Variants in CIITA observed in about 807,000 individuals in gnomAD.
CIITA encodes class II major histocompatibility complex transactivator, also known as MHC class II transactivator.
A neutral mutation model predicts 115.1 loss-of-function variants in CIITA; 72 were observed. The observed-to-expected ratio is 0.63, with a 90% CI of 0.52 to 0.76. The LOEUF (loss-of-function observed/expected upper bound fraction) is 0.76. CIITA is among the 30% of genes least tolerant of loss of function. The probability of loss-of-function intolerance (pLI) is 0.00; values close to 1 mark genes in which losing one functional copy is unlikely to be tolerated. For synonymous variants in CIITA, 763 were observed against 635.6 expected (o/e 1.20, Z -3.02); for missense variants, 1,617 against 1,463.8 (o/e 1.10, Z -1.71).
In CIITA at chr16:10,907,091, C is replaced by A; in HGVS notation, c.1599C>A (p.Phe533Leu). The change falls in exon 11 of 20, where the codon TTC becomes TTA. Residue 533 changes from phenylalanine to leucine, a missense_variant. By Grantham distance (22) the Phe-to-Leu change is conservative (BLOSUM62 0). Coordinates refer to ENST00000324288, the MANE Select transcript of CIITA (RefSeq NM_000246.4). The surrounding 1 kb of genome is among the most constrained non-coding windows in gnomAD (Gnocchi z 5.0). The stretch of plus-strand genomic sequence containing the variant: ...TCCGGGGGCTGCTGGCCGGCCTTTT[C>A]CAGAAGAAGCTGCTCCGAGGTTGCA... Reference protein sequence around the residue: ...CSLRGLLAGLFQKKLLRGCTL... With the variant: ...CSLRGLLAGLLQKKLLRGCTL... 6.2e-7 allele frequency: 1 copy of A among 1,608,908 alleles called. No individual in the cohort carries two copies. Among genetic ancestry groups the A allele is most frequent in the Non-Finnish European group, 8.5e-7 (1 of 1,179,780 alleles).
intron 16 of CIITA, 68 bp from the exon 17 acceptor site, chr16:10,922,099 T>C (rs1264987925): frequency 1.2e-5 from 16 of 1,363,264 alleles, no homozygotes; most frequent in Non-Finnish European, 1.4e-5. Flanking sequence ...AATCTAGGGA[T>C]GGTGGCTTCT....
intron 1 of CIITA, among the ~76,000 whole-genome samples, chr16:10,870,485 G>A (rs1009923199): frequency 3.9e-5 from 6 of 152,228 alleles, no homozygotes; most frequent in African/African-American, 1.4e-4. Context: ...GCCTCAGTGG[G>A]AAGTTAAAGC....
Position 10,936,332 on chromosome 16 carries a change from A to T in CIITA, c.*12477A>T, listed in dbSNP as rs1282977433. 3 of 152,196 alleles carry T rather than the reference A, an allele frequency of 2.0e-5. No individual in the cohort carries two copies. The highest frequency in any genetic ancestry group is 7.2e-5 in the African/African-American group (3 of 41,456). 9.4% of individuals were successfully genotyped at this position (152,196 alleles called of 1,614,324 possible). On this transcript the variant is annotated 3_prime_UTR_variant, in exon 20 of 20. Transcript: ENST00000324288. ...TAGATTTGCTGATTTTGACAACCCT[A>T]CTGTGGTTATGCAAATTTGTCCTTG...
chr16:10,935,115 G>A lies in CIITA; in HGVS notation c.*11260G>A, dbSNP rs113033696. ...GTGCTACTATTATCCCTGTTTTACA[G>A]AGAAGGAAACCGAGGCTTAGGAGAT... On this transcript the variant is annotated 3_prime_UTR_variant, in exon 20 of 20. Transcript: ENST00000324288. 1 of 152,262 alleles carries A rather than the reference G, an allele frequency of 6.6e-6. No individual in the cohort carries two copies. Among genetic ancestry groups the A allele is most frequent in the African/African-American group, 2.4e-5 (1 of 41,472 alleles). The allele number at this position is 152,262 out of a possible 1,614,324, so 9.4% of individuals were successfully genotyped here.
chr16:10,910,606 A>T (rs924212245), intron 13 of CIITA, among the ~76,000 whole-genome samples: 21 of 152,172 alleles, frequency 1.4e-4, no homozygotes, highest in Non-Finnish European at 2.2e-4. Flanking sequence ...GGAGGAGGTG[A>T]TATCTGCACT....
intron 8 of CIITA, 75 bp from the exon 9 acceptor site, chr16:10,903,656 G>A (rs750370582): frequency 2.4e-4 from 365 of 1,517,740 alleles, no homozygotes; most frequent in Non-Finnish European, 3.2e-4. Flanking sequence ...GCCCAGTTTG[G>A]AGTAGGGGTG....
chr16:10,904,798 T>C lies in CIITA; in HGVS notation c.992T>C (p.Leu331Pro). The stretch of plus-strand genomic sequence containing the variant: ...GCAGCTGGAGAGGTCTCCAACAAGC[T>C]TCCAAAATGGCCTGGTGAGTGATGC... Reference protein sequence around the residue: ...CPAAGEVSNKLPKWPEPVEQF... With the variant: ...CPAAGEVSNKPPKWPEPVEQF... Residue 331 changes from leucine (L) to proline (P), a missense_variant, in exon 10 of 20, where the codon CTT becomes CCT. Coordinates refer to ENST00000324288, the MANE Select transcript of CIITA (RefSeq NM_000246.4). 1 of 1,614,162 alleles carries C rather than the reference T, an allele frequency of 6.2e-7. No homozygotes were observed. The highest frequency in any genetic ancestry group is 2.2e-5 in the East Asian group (1 of 44,886).
At chr16:10,922,992 C>T in intron 18 of CIITA, 1 of 581,204 alleles carries the variant, frequency 1.7e-6, no homozygotes, top group Non-Finnish European at 3.1e-6. Context: ...AAGCACAGAG[C>T]AGTTAACTAA....
At chr16:10,868,719 G>T (rs2035267294) in intron 1 of CIITA, among the ~76,000 whole-genome samples, 1 of 152,094 alleles carries the variant, frequency 6.6e-6, no homozygotes, top group Non-Finnish European at 1.5e-5. Flanking sequence ...GGACACTTCA[G>T]CCCCTCCCAC....
At chr16:10,877,126 G>C (rs911523962), upstream of CIITA, 1 of 637,106 alleles carries the variant, frequency 1.6e-6, no homozygotes, top group African/African-American at 1.8e-5. Context: ...CTTGCAGGGA[G>C]AGTTTTTTTG....
In CIITA at chr16:10,903,722, C is replaced by A. The variant is rs756972663; in HGVS notation, c.773-9C>A. 2.5e-6 allele frequency: 4 copies of A among 1,613,938 alleles called. No homozygotes were observed. Among genetic ancestry groups the A allele is most frequent in the East Asian group, 2.2e-5 (1 of 44,890 alleles). On this transcript the variant is annotated splice_polypyrimidine_tract_variant and intron_variant, in intron 8 of 19. Transcript: ENST00000324288. Reference sequence around the variant, plus strand: ...GTTATTCTCACACCACTCTCCACCCCCAATGTAGGTGAGGTGCCCCAGGCC... The same window carrying A: ...GTTATTCTCACACCACTCTCCACCCACAATGTAGGTGAGGTGCCCCAGGCC...
intron 2 of CIITA, 59 bp downstream of exon 2, chr16:10,895,487 G>A (rs2038031540): frequency 6.2e-7 from 1 of 1,606,756 alleles, no homozygotes; most frequent in African/African-American, 1.3e-5. Context: ...TTGCTGTAGA[G>A]ACGGCAATCA....
At chr16:10,887,294 A>C (rs1190728371) in intron 1 of CIITA, among the ~76,000 whole-genome samples, 2 of 152,060 alleles carry the variant, frequency 1.3e-5, no homozygotes, top group African/African-American at 4.8e-5. Context: ...GGCAACGAGG[A>C]ATCAGAATCT....
upstream of CIITA, among the ~76,000 whole-genome samples, chr16:10,873,511 G>A (rs1213752875): frequency 2.0e-5 from 3 of 152,172 alleles, no homozygotes; most frequent in Admixed American, 6.5e-5. Context: ...TTTGCAGGAT[G>A]GCTAAAATAT....
rs1264537500 is a variant in CIITA at position 10,924,037 on chromosome 16, C to G, written c.*182C>G. On this transcript the variant is annotated 3_prime_UTR_variant, in exon 20 of 20. Coordinates refer to ENST00000324288, the MANE Select transcript of CIITA (RefSeq NM_000246.4). ...CGGCTGCGGAATGAACCACATCTTG[C>G]TCTGCTGACAGACACAGGCCCGGCT... 4 of 152,832 alleles carry G rather than the reference C, an allele frequency of 2.6e-5. No homozygotes were observed. The highest frequency in any genetic ancestry group is 4.8e-5 in the African/African-American group (2 of 41,458). 9.5% of individuals were successfully genotyped at this position (152,832 alleles called of 1,614,324 possible). A position where few individuals can be genotyped will look rare whatever the true frequency, so the allele number is the denominator to read the frequency against.
intron 13 of CIITA, among the ~76,000 whole-genome samples, chr16:10,912,798 G>C (rs2039670781): frequency 6.6e-6 from 1 of 152,218 alleles, no homozygotes; most frequent in African/African-American, 2.4e-5. Context: ...GCCATGGGGT[G>C]GAACAGCCTA....
At chr16:10,900,400 T>C (rs1384750219) in intron 5 of CIITA, among the ~76,000 whole-genome samples, 3 of 152,224 alleles carry the variant, frequency 2.0e-5, no homozygotes, top group Admixed American at 6.5e-5. Flanking sequence ...CTTGTTTTTC[T>C]TCTTTATGTT....
chr16:10,908,777 T>C (rs1030190038), intron 11 of CIITA: 16 of 615,684 alleles, frequency 2.6e-5, no homozygotes, highest in Non-Finnish European at 4.0e-5. Flanking sequence ...AGGTCCTACA[T>C]AATTGTGCCA....
chr16:10,899,853 AC>A (rs2038529120), intron 5 of CIITA, among the ~76,000 whole-genome samples: 1 of 151,874 alleles, frequency 6.6e-6, no homozygotes, highest in Non-Finnish European at 1.5e-5. Context: ...GCCAAGGGGG[AC>A]GGATCACTTG....
Sources: allele counts gnomAD v4.1 joint callset (sites outside exome capture counted in the v4.1 genomes callset), GRCh38; gene constraint gnomAD v4.1.1; non-coding constraint Gnocchi (gnomAD v3.1); transcripts MANE v1.5; gene names NCBI Gene and HGNC (gene_info 2026-07-23, HGNC 2026-07-21).